The following RASAL2 variants were observed in gnomAD, a reference collection of about 807,000 sequenced individuals.
RASAL2 encodes the protein RAS protein activator like 2.
A neutral mutation model predicts 128.9 loss-of-function variants in RASAL2; 58 were observed. The ratio of observed to expected loss-of-function variants is 0.45; its 90% CI spans 0.36 to 0.56. RASAL2 has a LOEUF of 0.56. RASAL2 is among the 20% of genes least tolerant of loss of function. RASAL2 has a pLI of 0.00. For synonymous variants in RASAL2, 561 were observed against 580.8 expected (o/e 0.97, Z 0.49); for missense variants, 1,360 against 1,601.6 (o/e 0.85, Z 2.57).
intron 2 of RASAL2, among the ~76,000 whole-genome samples, chr1:178,295,319 A>G (rs1667444340): frequency 6.6e-6 from 1 of 151,268 alleles, no homozygotes; most frequent in African/African-American, 2.4e-5. Context: ...CACGTGTGCC[A>G]TGGTGGTTTG....
intron 3 of RASAL2, among the ~76,000 whole-genome samples, chr1:178,302,457 G>C (rs1245949260): frequency 6.6e-6 from 1 of 152,136 alleles, no homozygotes; most frequent in East Asian, 1.9e-4. Flanking sequence ...AGATGTGAAA[G>C]ACTTCTACAT....
intron 1 of RASAL2, among the ~76,000 whole-genome samples, chr1:178,258,553 A>C (rs1485879720): frequency 2.6e-5 from 4 of 152,234 alleles, no homozygotes; most frequent in African/African-American, 9.6e-5. Context: ...ACAAATCAAT[A>C]CAACAGTGAG....
chr1:178,402,170 C>T (rs1673669408), intron 4 of RASAL2, among the ~76,000 whole-genome samples: 1 of 152,168 alleles, frequency 6.6e-6, no homozygotes, highest in Admixed American at 6.5e-5. Flanking sequence ...AATCCCAGCA[C>T]TTTGGGAGGC....
At chr1:178,380,635 A>C (rs898796405) in intron 3 of RASAL2, among the ~76,000 whole-genome samples, 1 of 152,224 alleles carries the variant, frequency 6.6e-6, no homozygotes, top group Admixed American at 6.5e-5. Flanking sequence ...AGTTGTTAAA[A>C]TATATTTGCC....
chr1:178,133,875 G>A (rs1660212029), intron 1 of RASAL2, among the ~76,000 whole-genome samples: 1 of 152,168 alleles, frequency 6.6e-6, no homozygotes, highest in Admixed American at 6.5e-5. Flanking sequence ...AATCAGGGAA[G>A]GGTGTGACGA....
At chr1:178,150,465 C>A (rs1407991669) in intron 1 of RASAL2, among the ~76,000 whole-genome samples, 1 of 152,074 alleles carries the variant, frequency 6.6e-6, no homozygotes, top group Admixed American at 6.5e-5. Context: ...GTATTACAGG[C>A]GTGATCCACT....
intron 1 of RASAL2, among the ~76,000 whole-genome samples, chr1:178,142,331 A>T (rs897702287): frequency 2.6e-5 from 4 of 152,140 alleles, no homozygotes; most frequent in Non-Finnish European, 5.9e-5. Context: ...AAGGGACTTG[A>T]CTAATACCAT....
At chr1:178,264,261 C>T (rs1437527298) in intron 1 of RASAL2, among the ~76,000 whole-genome samples, 1 of 152,210 alleles carries the variant, frequency 6.6e-6, no homozygotes, top group Non-Finnish European at 1.5e-5. Flanking sequence ...TCCACAGAGG[C>T]ATCCATTGTC....
intron 3 of RASAL2, among the ~76,000 whole-genome samples, chr1:178,358,473 G>T (rs558957135): frequency 2.6e-5 from 4 of 152,122 alleles, no homozygotes; most frequent in African/African-American, 7.2e-5. Context: ...CTATTAATAG[G>T]CTGAGCATGA....
At chr1:178,140,092 T>G (rs1660473485) in intron 1 of RASAL2, among the ~76,000 whole-genome samples, 1 of 152,220 alleles carries the variant, frequency 6.6e-6, no homozygotes. Context: ...ATTGGAAGTT[T>G]AAAATTTGAA....
chr1:178,362,044 C>T (rs1479545104), intron 3 of RASAL2, among the ~76,000 whole-genome samples: 3 of 152,120 alleles, frequency 2.0e-5, no homozygotes, highest in African/African-American at 7.2e-5. Flanking sequence ...GTTCATCTGC[C>T]ACTCACCTCC....
chr1:178,318,926 TGGTACC>T (rs982970863), intron 3 of RASAL2, among the ~76,000 whole-genome samples: 2 of 152,196 alleles, frequency 1.3e-5, no homozygotes, highest in Non-Finnish European at 2.9e-5. Flanking sequence ...TTGCAGCGGC[TGGTACC>T]GGTTGTTCCT....
intron 1 of RASAL2, among the ~76,000 whole-genome samples, chr1:178,156,579 C>G (rs193286349): frequency 1.3e-5 from 2 of 152,054 alleles, no homozygotes; most frequent in African/African-American, 2.4e-5. Context: ...AAGAAATACA[C>G]GTGAAAGTGT....
At chr1:178,460,129 A>G (rs184683494) in intron 14 of RASAL2, among the ~76,000 whole-genome samples, 56 of 152,306 alleles carry the variant, frequency 3.7e-4, no homozygotes, top group African/African-American at 1.2e-3. Context: ...AATACTGTGT[A>G]GAAGCAAATA....
intron 1 of RASAL2, among the ~76,000 whole-genome samples, chr1:178,110,571 CAT>C (rs567866480): frequency 7.0e-6 from 1 of 142,862 alleles, no homozygotes; most frequent in Non-Finnish European, 1.5e-5. Context: ...GTATATATAG[CAT>C]ATGTAGTATA....
At chr1:178,126,652 A>G (rs1452873549) in intron 1 of RASAL2, among the ~76,000 whole-genome samples, 6 of 152,226 alleles carry the variant, frequency 3.9e-5, no homozygotes, top group African/African-American at 1.4e-4. Flanking sequence ...CTCAAGAGTG[A>G]GTACACTTTA....
At chr1:178,423,152 C>A (rs1180783127) in intron 5 of RASAL2, among the ~76,000 whole-genome samples, 1 of 152,126 alleles carries the variant, frequency 6.6e-6, no homozygotes, top group Non-Finnish European at 1.5e-5. Flanking sequence ...TTTTTAACAA[C>A]TGAATCTTTG....
At chr1:178,101,527 TATAG>T (rs1178236072) in intron 1 of RASAL2, among the ~76,000 whole-genome samples, 2 of 152,216 alleles carry the variant, frequency 1.3e-5, no homozygotes, top group African/African-American at 4.8e-5. Flanking sequence ...TGGTAATACT[TATAG>T]ATATTGATTG....
intron 3 of RASAL2, among the ~76,000 whole-genome samples, chr1:178,301,883 TACAGTGTTCG>T (rs1667783583): frequency 6.6e-6 from 1 of 152,174 alleles, no homozygotes; most frequent in African/African-American, 2.4e-5. Context: ...GTTAAATATC[TACAGTGTTCG>T]AGGTACTGGC....
Sources: gnomAD v4.1 joint callset for allele counts (sites outside exome capture counted in the v4.1 genomes callset) on GRCh38, gnomAD v4.1.1 for gene constraint, MANE v1.5 for transcripts, NCBI Gene and HGNC (gene_info 2026-07-23, HGNC 2026-07-21) for gene names.